Variants in CCDC110 observed in about 807,000 individuals in gnomAD.
CCDC110 encodes coiled-coil domain containing 110.
A neutral mutation model predicts 77.1 loss-of-function variants in CCDC110; 70 were observed. The observed-to-expected ratio is 0.91, with a 90% CI of 0.75 to 1.11. CCDC110 has a LOEUF of 1.11. Ranked by LOEUF, CCDC110 falls within the 50% of genes least tolerant of loss-of-function variation. The pLI is 0.00. For synonymous variants in CCDC110, 295 were observed against 312.5 expected (o/e 0.94, Z 0.59); for missense variants, 868 against 942.9 (o/e 0.92, Z 1.04).
chr4:185,452,184 T>A, intron 6 of CCDC110: 1 of 984,904 alleles, frequency 1.0e-6, no homozygotes, highest in Non-Finnish European at 1.2e-6. Flanking sequence ...TTCCTCAGAC[T>A]CAGCCATGAC....
chr4:185,465,181 C>G (rs1425942112), intron 2 of CCDC110, among the ~76,000 whole-genome samples: 2 of 152,242 alleles, frequency 1.3e-5, no homozygotes, highest in Non-Finnish European at 2.9e-5. Context: ...GCCTTCAACT[C>G]TATTCTGAGT....
At position 185,459,685 on chromosome 4, in the gene CCDC110, C is replaced by T; in HGVS notation, c.902G>A (p.Gly301Asp). Residue 301 changes from glycine to aspartate, a missense_variant, in exon 6 of 7, where the codon GGT (glycine) becomes GAT (aspartate). Physicochemically the swap from Gly to Asp is moderately conservative, Grantham distance 94. Coordinates refer to ENST00000307588, the MANE Select transcript of CCDC110 (RefSeq NM_152775.4). ...TGATTTTATATCTTCATTTAAGTTA[C>T]CGTCCAAGTTTTCTTCCTTAATAAA... is the stretch of plus-strand genomic sequence containing the variant. ...MNFIKEENLD[G>D]NLNEDIKSKR... The T allele has an allele frequency of 6.2e-7, 1 of 1,611,954 alleles. No individual in the cohort carries two copies. The highest frequency in any genetic ancestry group is 8.5e-7 in the Non-Finnish European group (1 of 1,179,412).
rs535471996 is a variant in CCDC110 at position 185,464,912 on chromosome 4, A to G, written c.116-1863T>C. Reference sequence around the variant, plus strand: ...ACTAATGAAAATTAACATGAAAAGAATTAAAGATTGAAACCTTTATTGTTT... The same window carrying G: ...ACTAATGAAAATTAACATGAAAAGAGTTAAAGATTGAAACCTTTATTGTTT... On this transcript the variant is annotated intron_variant, in intron 2 of 6. Coordinates refer to ENST00000307588, the MANE Select transcript of CCDC110 (RefSeq NM_152775.4). Among the ~76,000 whole-genome samples the G allele has an allele frequency of 2.4e-3, 372 of 152,364 alleles. 3 individuals are homozygous for G. The highest frequency in any genetic ancestry group is 4.1e-3 in the Non-Finnish European group (281 of 68,032).
chr4:185,453,012 A>C (rs975945160), intron 6 of CCDC110, among the ~76,000 whole-genome samples: 1 of 152,162 alleles, frequency 6.6e-6, no homozygotes, highest in African/African-American at 2.4e-5. Context: ...TACCTGGAAG[A>C]ATTATTATGA....
At chr4:185,463,206 A>G (rs2095649588) in intron 2 of CCDC110, among the ~76,000 whole-genome samples, 157 bp from the exon 3 acceptor site, 2 of 152,226 alleles carry the variant, frequency 1.3e-5, no homozygotes, top group Admixed American at 6.5e-5. Flanking sequence ...AGCTTAAGTG[A>G]TAATTCTCGC....
chr4:185,457,868 AAAT>A (rs1435934502), intron 6 of CCDC110: 1 of 1,060,154 alleles, frequency 9.4e-7, no homozygotes, highest in Non-Finnish European at 1.3e-6. Flanking sequence ...TTATACTTTA[AAAT>A]AATAATTAAC....
At chr4:185,453,186 G>A (rs1277605964) in intron 6 of CCDC110, among the ~76,000 whole-genome samples, 1 of 152,118 alleles carries the variant, frequency 6.6e-6, no homozygotes, top group East Asian at 1.9e-4. Flanking sequence ...TGGGCCACAT[G>A]GTGAGACCCT....
At chr4:185,470,737 T>C (rs1260142636) in intron 2 of CCDC110, 5 of 647,848 alleles carry the variant, frequency 7.7e-6, no homozygotes, top group African/African-American at 1.8e-5. Flanking sequence ...GGGATCGTGG[T>C]AGCACCCACC....
At chr4:185,457,182 G>C in intron 6 of CCDC110, 1 of 451,670 alleles carries the variant, frequency 2.2e-6, no homozygotes. Flanking sequence ...TGTAGAAAAA[G>C]CTTTGGACAG....
rs1561166250 is a variant in CCDC110, at chr4:185,463,065, GA to G, written c.116-17del. 1.3e-6 allele frequency: 2 copies of G among 1,599,034 alleles called. No individual in the cohort carries two copies. The highest frequency in any genetic ancestry group is 1.7e-5 in the Admixed American group (1 of 59,206). On this transcript the variant is annotated splice_polypyrimidine_tract_variant and intron_variant, in intron 2 of 6. Coordinates refer to ENST00000307588, the MANE Select transcript of CCDC110 (RefSeq NM_152775.4). Reference sequence around the variant, plus strand: ...CAGCCATATTCTAAGAAGCAAAATTGAAAAACCATGTGACTTAATTCTTAAA... The same window carrying G: ...CAGCCATATTCTAAGAAGCAAAATTGAAAACCATGTGACTTAATTCTTAAA...
Position 185,459,439 on chromosome 4 carries a change from GA to G in CCDC110, c.1147del (p.Ser383ProfsTer10), listed in dbSNP as rs759047963. 5 of 1,613,206 alleles carry G rather than the reference GA, an allele frequency of 3.1e-6. No homozygotes were observed. Among genetic ancestry groups the G allele is most frequent in the Middle Eastern group, 3.3e-4 (2 of 6,052 alleles). ...FHSRVPRYTL[S>X]FLDQTKHEMK... ...TTCATGTTTTGTTTGGTCGAGGAAG[GA>G]CAGTGTGTATCTTGGAACTCTGGAA... On this transcript the variant is annotated frameshift_variant, in exon 6 of 7. Transcript: ENST00000307588. LOFTEE classifies it high-confidence loss of function.
At chr4:185,471,563 G>A (rs1322897918) in intron 1 of CCDC110, 111 bp downstream of exon 1, 21 of 1,245,422 alleles carry the variant, frequency 1.7e-5, no homozygotes, top group Non-Finnish European at 2.4e-5. Context: ...GTGCAGAAGG[G>A]CGGACCCGGG....
intron 2 of CCDC110, among the ~76,000 whole-genome samples, chr4:185,465,216 T>C (rs2095653314): frequency 6.6e-6 from 1 of 152,238 alleles, no homozygotes; most frequent in East Asian, 1.9e-4. Context: ...AAATTCTATC[T>C]CCTTCCCATA....
intron 2 of CCDC110, among the ~76,000 whole-genome samples, chr4:185,469,296 C>T (rs1378152903): frequency 1.3e-5 from 2 of 152,166 alleles, no homozygotes; most frequent in Admixed American, 6.5e-5. Context: ...CCTGGGTGGC[C>T]CCTGACTCAA....
chr4:185,466,290 G>C (rs6851635), intron 2 of CCDC110, among the ~76,000 whole-genome samples: 2 of 151,844 alleles, frequency 1.3e-5, no homozygotes, highest in African/African-American at 2.4e-5. Flanking sequence ...CAGGAGAATC[G>C]TTTGAACGTG....
chr4:185,464,353 A>C (rs564563218), intron 2 of CCDC110, among the ~76,000 whole-genome samples: 38 of 152,136 alleles, frequency 2.5e-4, no homozygotes, highest in Non-Finnish European at 1.2e-4. Flanking sequence ...TCCCACCTTC[A>C]GTCAGAGGGT....
At chr4:185,471,580 C>G in intron 1 of CCDC110, 94 bp downstream of exon 1, 1 of 1,405,862 alleles carries the variant, frequency 7.1e-7, no homozygotes, top group East Asian at 2.8e-5. Flanking sequence ...CGGGATGTCC[C>G]GGGTTTTCGA....
chr4:185,459,655 C>T lies in CCDC110; in HGVS notation c.932G>A (p.Arg311Lys). 6.2e-7 allele frequency: 1 copy of T among 1,610,930 alleles called. No homozygotes were observed. Among genetic ancestry groups the T allele is most frequent in the South Asian group, 1.1e-5 (1 of 90,076 alleles). ...CACTAATGCCTCTAATTCTGAAATT[C>T]TCTTTGATTTTATATCTTCATTTAA... is the stretch of plus-strand genomic sequence containing the variant. ...GNLNEDIKSK[R>K]ISELEALVKK... The change falls in exon 6 of 7, where the codon AGA (arginine) becomes AAA (lysine). Residue 311 changes from arginine to lysine, a missense_variant. Physicochemically the swap from Arg to Lys is conservative, Grantham distance 26. Transcript: ENST00000307588.
Position 185,468,190 on chromosome 4 carries a change from G to A in CCDC110, c.115+2755C>T, listed in dbSNP as rs780065763. 1.3e-5 allele frequency among the ~76,000 whole-genome samples: 2 copies of A among 152,220 alleles called. No homozygotes were observed. Among genetic ancestry groups the A allele is most frequent in the Non-Finnish European group, 1.5e-5 (1 of 68,040 alleles). ...AGGCTTTGTCACAGTCATTATGCAA[G>A]GAGCTATGCAACAGGTTGCCTGCCG... On this transcript the variant is annotated intron_variant, in intron 2 of 6. Coordinates refer to ENST00000307588, the MANE Select transcript of CCDC110 (RefSeq NM_152775.4). The surrounding 1 kb of genome is among the most constrained non-coding windows in gnomAD (Gnocchi z 4.5).
Sources: gnomAD v4.1 joint callset for allele counts (sites outside exome capture counted in the v4.1 genomes callset) on GRCh38, gnomAD v4.1.1 for gene constraint, Gnocchi (gnomAD v3.1) non-coding constraint, MANE v1.5 for transcripts, NCBI Gene and HGNC (gene_info 2026-07-23, HGNC 2026-07-21) for gene names.